Variants in NALF1 observed in about 807,000 individuals in gnomAD.
The protein encoded by NALF1 is family with sequence similarity 155 member A.
Under a neutral mutation model 48.4 loss-of-function variants are expected in NALF1, and 3 were observed. The observed-to-expected ratio is 0.06, with a 90% CI of 0.03 to 0.16. The LOEUF (loss-of-function observed/expected upper bound fraction) is 0.16. Among genes scored for constraint, NALF1 ranks in the 10% least tolerant of loss-of-function variants. NALF1 has a pLI of 1.00. For missense variants in NALF1, 526 were observed against 571.5 expected (o/e 0.92, Z 0.81); for synonymous variants, 262 against 245.7 (o/e 1.07, Z -0.62).
chr13:107,562,493 C>T (rs904602387), intron 1 of NALF1, among the ~76,000 whole-genome samples: 34 of 152,120 alleles, frequency 2.2e-4, no homozygotes, highest in Admixed American at 1.8e-3. Context: ...CCAGATCAGT[C>T]GCAGCACAGG....
At chr13:107,228,177 T>C (rs1463118251) in intron 1 of NALF1, among the ~76,000 whole-genome samples, 2 of 152,166 alleles carry the variant, frequency 1.3e-5, no homozygotes, top group African/African-American at 4.8e-5. Flanking sequence ...TATAGGCTAT[T>C]TGGAAAAATA....
intron 1 of NALF1, among the ~76,000 whole-genome samples, chr13:107,371,557 T>G (rs1883249310): frequency 6.6e-6 from 1 of 152,344 alleles, no homozygotes; most frequent in South Asian, 2.1e-4. Flanking sequence ...AACTTTTTCT[T>G]AAGAGTCTCC....
At chr13:107,359,749 C>T (rs573052579) in intron 1 of NALF1, among the ~76,000 whole-genome samples, 1 of 151,948 alleles carries the variant, frequency 6.6e-6, no homozygotes, top group South Asian at 2.1e-4. Flanking sequence ...AATCAAAGAG[C>T]GCTTAAGGGC....
intron 1 of NALF1, among the ~76,000 whole-genome samples, chr13:107,547,933 T>C (rs1288468261): frequency 6.6e-6 from 1 of 152,102 alleles, no homozygotes; most frequent in Non-Finnish European, 1.5e-5. Context: ...TAGGAAAAAA[T>C]AAATAGGAGA....
intron 1 of NALF1, among the ~76,000 whole-genome samples, chr13:107,660,469 ACACACACACAC>A (rs1566434044): frequency 9.6e-5 from 12 of 124,964 alleles, no homozygotes; most frequent in South Asian, 2.7e-4. Flanking sequence ...ACACACACAC[ACACACACACAC>A]ACACAACAAA....
At chr13:107,734,401 TAAAA>T (rs67690511) in intron 1 of NALF1, among the ~76,000 whole-genome samples, 42 of 146,482 alleles carry the variant, frequency 2.9e-4, no homozygotes, top group African/African-American at 1.0e-3. Context: ...ATTTTTCCTT[TAAAA>T]AAAAACACAC....
chr13:107,323,674 T>A (rs1882298517), intron 1 of NALF1, among the ~76,000 whole-genome samples: 1 of 152,206 alleles, frequency 6.6e-6, no homozygotes, highest in African/African-American at 2.4e-5. Context: ...GTACCTGTAC[T>A]ACAGTCGACC....
intron 1 of NALF1, among the ~76,000 whole-genome samples, chr13:107,343,399 C>T (rs185181474): frequency 6.6e-6 from 1 of 152,206 alleles, no homozygotes; most frequent in Non-Finnish European, 1.5e-5. Flanking sequence ...TCATGGGGGG[C>T]AGGTCTTTCC....
intron 1 of NALF1, among the ~76,000 whole-genome samples, chr13:107,710,588 G>A (rs1231714676): frequency 6.6e-6 from 1 of 152,054 alleles, no homozygotes; most frequent in African/African-American, 2.4e-5. Flanking sequence ...CATCAGGAGA[G>A]AGAGTGAGAG....
At position 107,865,667 on chromosome 13, in the gene NALF1, C is replaced by A. The variant is rs1880693620; in HGVS notation, c.915+15G>T. 1.0e-5 allele frequency: 16 copies of A among 1,608,030 alleles called. No individual in the cohort carries two copies. The highest frequency in any genetic ancestry group is 1.4e-5 in the Non-Finnish European group (16 of 1,175,636). On this transcript the variant is annotated intron_variant, in intron 1 of 2. Transcript: ENST00000375915. ...GGAAAGTGCAGGAAAGGGGGAAACCCCCGAGGGTTCCTACCTTACAGTCTT... is the reference window on the plus strand; with the variant it reads ...GGAAAGTGCAGGAAAGGGGGAAACCACCGAGGGTTCCTACCTTACAGTCTT...
At chr13:107,790,386 A>G (rs1183280844) in intron 1 of NALF1, among the ~76,000 whole-genome samples, 1 of 151,252 alleles carries the variant, frequency 6.6e-6, no homozygotes, top group Non-Finnish European at 1.5e-5. Context: ...AAAATATTAC[A>G]AAGACTAATT....
chr13:107,348,370 G>A (rs1386648696), intron 1 of NALF1, among the ~76,000 whole-genome samples: 1 of 152,136 alleles, frequency 6.6e-6, no homozygotes, highest in Non-Finnish European at 1.5e-5. Flanking sequence ...TTAACAAATA[G>A]CAATAATTGT....
chr13:107,453,655 C>T (rs1280550496), intron 1 of NALF1, among the ~76,000 whole-genome samples: 1 of 152,208 alleles, frequency 6.6e-6, no homozygotes, highest in Non-Finnish European at 1.5e-5. Flanking sequence ...TAACATTTAG[C>T]TCTCTGTTAC....
intron 1 of NALF1, among the ~76,000 whole-genome samples, chr13:107,521,164 T>G (rs768302275): frequency 2.1e-4 from 32 of 152,188 alleles, no homozygotes; most frequent in Non-Finnish European, 2.9e-4. Flanking sequence ...TGATACTGGC[T>G]CTAATATAAA....
chr13:107,570,284 T>G (rs1414916484), intron 1 of NALF1, among the ~76,000 whole-genome samples: 1 of 152,062 alleles, frequency 6.6e-6, no homozygotes, highest in African/African-American at 2.4e-5. Context: ...CAGAGATAAA[T>G]CATTCATTCT....
chr13:107,575,306 AT>A (rs1276373936), intron 1 of NALF1, among the ~76,000 whole-genome samples: 1 of 152,162 alleles, frequency 6.6e-6, no homozygotes, highest in African/African-American at 2.4e-5. Context: ...GATCCACTCA[AT>A]TTGCATTTAA....
At chr13:107,314,452 G>C (rs1419663644) in intron 1 of NALF1, among the ~76,000 whole-genome samples, 1 of 151,812 alleles carries the variant, frequency 6.6e-6, no homozygotes, top group African/African-American at 2.4e-5. Flanking sequence ...TCTTCTCCTA[G>C]TTCCACCTCA....
chr13:107,815,254 T>C (rs1879128109), intron 1 of NALF1, among the ~76,000 whole-genome samples: 1 of 148,680 alleles, frequency 6.7e-6, no homozygotes, highest in Admixed American at 6.7e-5. Context: ...GCAAATCATG[T>C]AACTGATTTT....
intron 1 of NALF1, among the ~76,000 whole-genome samples, chr13:107,747,255 A>G (rs554178617): frequency 8.0e-4 from 122 of 152,246 alleles, no homozygotes; most frequent in African/African-American, 2.7e-3. Flanking sequence ...GGTGATTTAC[A>G]TGTTTTCCCT....
Sources: gnomAD v4.1 joint callset for allele counts (sites outside exome capture counted in the v4.1 genomes callset) on GRCh38, gnomAD v4.1.1 for gene constraint, MANE v1.5 for transcripts, NCBI Gene and HGNC (gene_info 2026-07-23, HGNC 2026-07-21) for gene names.